Variants in NAPG observed in about 807,000 individuals in gnomAD.
NAPG encodes the protein gamma-soluble NSF attachment protein.
In NAPG, 25 loss-of-function variants were observed where a neutral mutation model predicts 48.4. The observed-to-expected ratio is 0.52, with a 90% CI of 0.38 to 0.72. The LOEUF (loss-of-function observed/expected upper bound fraction) is 0.72. NAPG is among the 30% of genes least tolerant of loss of function. The probability of loss-of-function intolerance (pLI) is 0.00; values close to 1 mark genes in which losing one functional copy is unlikely to be tolerated. For synonymous variants in NAPG, 139 were observed against 127.2 expected (o/e 1.09, Z -0.62); for missense variants, 359 against 372.5 (o/e 0.96, Z 0.30).
At position 10,550,495 on chromosome 18, in the gene NAPG, T is replaced by G. The variant is rs2032365766; in HGVS notation, c.*275T>G. ...GTTTTAATACATTGATTAAAAAATT[T>G]GCAAGCCAAATTATACATAAATTAT... On this transcript the variant is annotated 3_prime_UTR_variant, in exon 12 of 12. Transcript: ENST00000322897. The G allele has an allele frequency of 3.6e-6, 1 of 281,558 alleles. No homozygotes were observed. The highest frequency in any genetic ancestry group is 6.6e-6 in the Non-Finnish European group (1 of 152,452). 17.4% of individuals were successfully genotyped at this position (281,558 alleles called of 1,614,324 possible).
chr18:10,531,652 A>G (rs1230953007), intron 2 of NAPG, among the ~76,000 whole-genome samples: 1 of 152,176 alleles, frequency 6.6e-6, no homozygotes, highest in Admixed American at 6.5e-5. Flanking sequence ...CAAATTGTTT[A>G]TCTTATACTT....
chr18:10,546,469 G>A lies in NAPG; in HGVS notation c.585+65G>A. 3.3e-6 allele frequency: 3 copies of A among 896,298 alleles called. No individual in the cohort carries two copies. The highest frequency in any genetic ancestry group is 5.0e-6 in the Non-Finnish European group (3 of 598,050). The allele number at this position is 896,298 out of a possible 1,614,324, so 55.5% of individuals were successfully genotyped here. On this transcript the variant is annotated intron_variant, in intron 9 of 11. Coordinates refer to ENST00000322897, the MANE Select transcript of NAPG (RefSeq NM_003826.3). This position sits in a 1 kb window ranked among gnomAD's most constrained non-coding sequence, Gnocchi z 4.0. ...TGATTTTTTATACTGGTATGAATAA[G>A]TACTTAAGAAAGGATTCTATGGGTA...
In NAPG at chr18:10,548,474, CTG is replaced by C. The variant is rs1192087451; in HGVS notation, c.665+98_665+99del. 1 of 988,724 alleles carries C rather than the reference CTG, an allele frequency of 1.0e-6. No individual in the cohort carries two copies. The highest frequency in any genetic ancestry group is 1.6e-5 in the African/African-American group (1 of 61,550). 61.2% of individuals were successfully genotyped at this position (988,724 alleles called of 1,614,324 possible). The stretch of plus-strand genomic sequence containing the variant: ...AGGACACATGTTCCTGGCCATGAAA[CTG>C]TCATTTCTAAATCTTAGGAGTGCTC... On this transcript the variant is annotated intron_variant, in intron 10 of 11. Coordinates refer to ENST00000322897, the MANE Select transcript of NAPG (RefSeq NM_003826.3). The surrounding 1 kb of genome is among the most constrained non-coding windows in gnomAD (Gnocchi z 4.4).
At chr18:10,529,088 T>G (rs1208710170) in intron 1 of NAPG, among the ~76,000 whole-genome samples, 1 of 152,240 alleles carries the variant, frequency 6.6e-6, no homozygotes, top group Non-Finnish European at 1.5e-5. Context: ...CTTTCTTCCT[T>G]ATTAGTGGTG....
At position 10,533,797 on chromosome 18, in the gene NAPG, T is replaced by TG. The variant is rs907226523; in HGVS notation, c.227+247dup. On this transcript the variant is annotated intron_variant, in intron 4 of 11. Transcript: ENST00000322897. ...TAGGAGCATTTTGTTCAGTAGCCTA[T>TG]GGGAAAAAAATAAGTTAGGATCTCT... is the stretch of plus-strand genomic sequence containing the variant. 3.2e-5 allele frequency among the ~76,000 whole-genome samples: 4 copies of TG among 126,480 alleles called. 1 individual carries two copies. The highest frequency in any genetic ancestry group is 4.9e-4 in the East Asian group (2 of 4,092). The allele number at this position is 126,480 out of a possible 152,430, so 83.0% of individuals were successfully genotyped here. A position where few individuals can be genotyped will look rare whatever the true frequency, so the allele number is the denominator to read the frequency against.
chr18:10,530,667 C>CTT (rs71169932), intron 1 of NAPG, 103 bp from the exon 2 acceptor site: 287 of 480,396 alleles, frequency 6.0e-4, no homozygotes, highest in South Asian at 1.8e-3. Flanking sequence ...ATGGTTTCTC[C>CTT]TTTTTTTTTT....
At chr18:10,535,486 TG>T (rs1465395291) in intron 5 of NAPG, among the ~76,000 whole-genome samples, 19 of 152,164 alleles carry the variant, frequency 1.2e-4, no homozygotes, top group Non-Finnish European at 2.2e-4. Context: ...TGAGGTTGGA[TG>T]TAGTGGCTCA....
intron 1 of NAPG, among the ~76,000 whole-genome samples, chr18:10,529,661 G>A (rs1281609256): frequency 6.6e-5 from 10 of 152,162 alleles, no homozygotes; most frequent in African/African-American, 2.2e-4. Context: ...GCTGAGGCAC[G>A]AGAGTCACTT....
intron 1 of NAPG, among the ~76,000 whole-genome samples, chr18:10,528,227 G>A (rs1317228276): frequency 6.6e-6 from 1 of 152,090 alleles, no homozygotes; most frequent in Non-Finnish European, 1.5e-5. Context: ...AAGAAATGTG[G>A]CAGCAGTGTG....
At chr18:10,536,054 G>A (rs2032025610) in intron 5 of NAPG, among the ~76,000 whole-genome samples, 1 of 152,134 alleles carries the variant, frequency 6.6e-6, no homozygotes, top group African/African-American at 2.4e-5. Flanking sequence ...TTTAAGAAAT[G>A]CTCAAACACT....
rs1197124213 is a variant in NAPG, at chr18:10,544,007, G to T, written c.507-2319G>T. Among the ~76,000 whole-genome samples the T allele has an allele frequency of 6.6e-6, 1 of 152,172 alleles. No homozygotes were observed. Among genetic ancestry groups the T allele is most frequent in the African/African-American group, 2.4e-5 (1 of 41,442 alleles). On this transcript the variant is annotated intron_variant, in intron 8 of 11. Coordinates refer to ENST00000322897, the MANE Select transcript of NAPG (RefSeq NM_003826.3). The surrounding 1 kb of genome is among the most constrained non-coding windows in gnomAD (Gnocchi z 5.1). ...AGGAAATAAACAGTTTATGCGTAAA[G>T]AATGCACCCTTTATAGTTAAATATA...
In NAPG at chr18:10,530,038, A is replaced by G. The variant is rs145581021; in HGVS notation, c.57-732A>G. Among the ~76,000 whole-genome samples the G allele has an allele frequency of 2.7e-3, 414 of 152,296 alleles. 2 individuals are homozygous for G. Among genetic ancestry groups the G allele is most frequent in the African/African-American group, 9.4e-3 (391 of 41,564 alleles). On this transcript the variant is annotated intron_variant, in intron 1 of 11. Transcript: ENST00000322897. ...AAAATAAGAAAATAAATATTGAGGAAAAGGCAAGTAAGTTAAGGATTCAAA... is the reference window on the plus strand; with the variant it reads ...AAAATAAGAAAATAAATATTGAGGAGAAGGCAAGTAAGTTAAGGATTCAAA...
rs1478478876 is a variant in NAPG at position 10,534,358 on chromosome 18, C to T, written c.228-108C>T. ...CCTGAAGTGATATGTTGTGCATGAG[C>T]CCATTGTAATTGAAGTCACTTTCCT... is the stretch of plus-strand genomic sequence containing the variant. On this transcript the variant is annotated intron_variant, in intron 4 of 11. Transcript: ENST00000322897. The surrounding 1 kb of genome is among the most constrained non-coding windows in gnomAD (Gnocchi z 5.0). 5.0e-6 allele frequency: 4 copies of T among 795,392 alleles called. No homozygotes were observed. Among genetic ancestry groups the T allele is most frequent in the Non-Finnish European group, 8.8e-6 (4 of 456,084 alleles). The allele number at this position is 795,392 out of a possible 1,614,324, so 49.3% of individuals were successfully genotyped here.
chr18:10,527,379 A>C (rs1221048808), intron 1 of NAPG, among the ~76,000 whole-genome samples: 1 of 152,188 alleles, frequency 6.6e-6, no homozygotes, highest in Non-Finnish European at 1.5e-5. Flanking sequence ...GAAAGATCGC[A>C]GAGCCAGTTT....
chr18:10,544,534 C>T lies in NAPG; in HGVS notation c.507-1792C>T, dbSNP rs965935991. The stretch of plus-strand genomic sequence containing the variant: ...CCTTCAGTTCCTGGCCGTGTGCCCC[C>T]ATTGGTGGTTCACAGCATGGCAGTT... On this transcript the variant is annotated intron_variant, in intron 8 of 11. Coordinates refer to ENST00000322897, the MANE Select transcript of NAPG (RefSeq NM_003826.3). This position sits in a 1 kb window ranked among gnomAD's most constrained non-coding sequence, Gnocchi z 5.1. Among the ~76,000 whole-genome samples, 1 of 152,214 alleles carries T rather than the reference C, an allele frequency of 6.6e-6. No individual in the cohort carries two copies. Among genetic ancestry groups the T allele is most frequent in the Non-Finnish European group, 1.5e-5 (1 of 68,048 alleles).
At chr18:10,545,646 TG>T (rs1468406450) in intron 8 of NAPG, among the ~76,000 whole-genome samples, 1 of 152,062 alleles carries the variant, frequency 6.6e-6, no homozygotes, top group Admixed American at 6.6e-5. Flanking sequence ...GAATTAGGGC[TG>T]GGGGAATGAG....
intron 5 of NAPG, among the ~76,000 whole-genome samples, chr18:10,536,969 T>G (rs1234158233): frequency 6.6e-6 from 1 of 151,854 alleles, no homozygotes; most frequent in Non-Finnish European, 1.5e-5. Flanking sequence ...TTTGTTTTTT[T>G]TTTTTGAGAC....
chr18:10,546,430 G>A lies in NAPG; in HGVS notation c.585+26G>A, dbSNP rs2032268060. The A allele has an allele frequency of 2.9e-6, 4 of 1,360,244 alleles. No individual in the cohort carries two copies. Among genetic ancestry groups the A allele is most frequent in the African/African-American group, 2.9e-5 (2 of 68,322 alleles). The allele number at this position is 1,360,244 out of a possible 1,614,324, so 84.3% of individuals were successfully genotyped here. On this transcript the variant is annotated intron_variant, in intron 9 of 11. Transcript: ENST00000322897. This position sits in a 1 kb window ranked among gnomAD's most constrained non-coding sequence, Gnocchi z 4.0. Reference sequence around the variant, plus strand: ...GTATTCTTTGAAAGTGTTTGTTTTTGGTATTACATTAGATGATTTTTTATA... The same window carrying A: ...GTATTCTTTGAAAGTGTTTGTTTTTAGTATTACATTAGATGATTTTTTATA...
chr18:10,526,177 G>T lies in NAPG; in HGVS notation c.56+19G>T, dbSNP rs2143078043. ...AGAAATAGTGAGTGAGAACCTTCCG[G>T]GGGCCTGTGTGTAGACGCCGGGTCC... On this transcript the variant is annotated intron_variant, in intron 1 of 11. Transcript: ENST00000322897. The T allele has an allele frequency of 2.5e-6, 4 of 1,612,832 alleles. No homozygotes were observed. The highest frequency in any genetic ancestry group is 3.4e-6 in the Non-Finnish European group (4 of 1,179,412).
Sources: allele counts gnomAD v4.1 joint callset (sites outside exome capture counted in the v4.1 genomes callset), GRCh38; gene constraint gnomAD v4.1.1; non-coding constraint Gnocchi (gnomAD v3.1); transcripts MANE v1.5; gene names NCBI Gene and HGNC (gene_info 2026-07-23, HGNC 2026-07-21).